The following PDE4D variants were observed in gnomAD, a reference collection of about 807,000 sequenced individuals.
PDE4D encodes the protein phosphodiesterase 4D, also known as 3',5'-cyclic-AMP phosphodiesterase 4D.
In PDE4D, 24 loss-of-function variants were observed where a neutral mutation model predicts 87.4. That is an observed-to-expected ratio of 0.27 (90% CI 0.20 to 0.39). The LOEUF (loss-of-function observed/expected upper bound fraction) is 0.39. Ranked by LOEUF, PDE4D falls within the 10% of genes least tolerant of loss-of-function variation. The pLI is 1.00. For missense variants in PDE4D, 714 were observed against 1,041.0 expected (o/e 0.69, Z 4.32); for synonymous variants, 384 against 383.2 (o/e 1.00, Z -0.02).
At chr5:60,063,544 G>C (rs983241068) in intron 2 of PDE4D, among the ~76,000 whole-genome samples, 2 of 152,076 alleles carry the variant, frequency 1.3e-5, no homozygotes, top group Non-Finnish European at 2.9e-5. Context: ...CTTGCCAAGG[G>C]AGAAATTTAG....
chr5:59,870,373 C>T (rs1365469166), intron 1 of PDE4D, among the ~76,000 whole-genome samples: 1 of 152,144 alleles, frequency 6.6e-6, no homozygotes, highest in African/African-American at 2.4e-5. Flanking sequence ...TATGTGGAAA[C>T]ATATATAAAT....
Position 58,974,774 on chromosome 5 carries a change from C to CTGAG in PDE4D, c.2316_2319dup (p.Glu774LeufsTer5). 1 of 1,613,782 alleles carries CTGAG rather than the reference C, an allele frequency of 6.2e-7. No homozygotes were observed. Among genetic ancestry groups the CTGAG allele is most frequent in the Non-Finnish European group, 8.5e-7 (1 of 1,179,708 alleles). ...TCATCAAGGGGAATTTCAGTAGACTCTGAGTCTTGAGTACAAAGAGTCTTG... is the reference window on the plus strand; with the variant it reads ...TCATCAAGGGGAATTTCAGTAGACTCTGAGTGAGTCTTGAGTACAAAGAGTCTTG... On this transcript the variant is annotated frameshift_variant, in exon 15 of 15. Transcript: ENST00000340635. LOFTEE classifies it high-confidence loss of function.
At chr5:60,019,830 G>C (rs1430236277) in intron 2 of PDE4D, among the ~76,000 whole-genome samples, 1 of 151,964 alleles carries the variant, frequency 6.6e-6, no homozygotes, top group Non-Finnish European at 1.5e-5. Flanking sequence ...TCACTGGAGT[G>C]GTATTTTTCA....
intron 1 of PDE4D, among the ~76,000 whole-genome samples, chr5:60,509,203 T>C (rs1162662244): frequency 6.6e-6 from 1 of 152,176 alleles, no homozygotes; most frequent in East Asian, 1.9e-4. Context: ...AGCACTATGC[T>C]TGGAAGCCAT....
At chr5:59,117,142 A>C (rs993758141) in intron 5 of PDE4D, among the ~76,000 whole-genome samples, 7 of 152,198 alleles carry the variant, frequency 4.6e-5, no homozygotes, top group African/African-American at 1.7e-4. Flanking sequence ...CCCAGGATAC[A>C]ATTTCTCACC....
chr5:59,873,731 C>T (rs1581529335), intron 1 of PDE4D, among the ~76,000 whole-genome samples: 1 of 152,172 alleles, frequency 6.6e-6, no homozygotes. Context: ...ATAGAATCAA[C>T]AGGCCATGGC....
At chr5:59,064,096 T>C (rs1489094700) in intron 5 of PDE4D, among the ~76,000 whole-genome samples, 3 of 151,262 alleles carry the variant, frequency 2.0e-5, no homozygotes, top group Admixed American at 1.3e-4. Context: ...TTTTCTAGTA[T>C]ACTTACCAGG....
intron 5 of PDE4D, among the ~76,000 whole-genome samples, chr5:59,066,863 C>A (rs899133623): frequency 3.9e-5 from 6 of 152,048 alleles, no homozygotes; most frequent in African/African-American, 1.2e-4. Flanking sequence ...GCCAGAGGCA[C>A]TATCTATGAC....
intron 5 of PDE4D, among the ~76,000 whole-genome samples, chr5:59,116,186 G>C (rs536796310): frequency 6.6e-6 from 1 of 152,108 alleles, no homozygotes; most frequent in African/African-American, 2.4e-5. Context: ...ACATTATAAT[G>C]TTTTTTGAGC....
intron 1 of PDE4D, among the ~76,000 whole-genome samples, chr5:59,529,562 T>A (rs765289725): frequency 1.4e-4 from 21 of 152,184 alleles, no homozygotes; most frequent in Non-Finnish European, 8.8e-5. Flanking sequence ...CACAGGGCAC[T>A]GGTGTCTTTT....
intron 1 of PDE4D, among the ~76,000 whole-genome samples, chr5:59,444,441 C>G (rs1460785444): frequency 6.6e-6 from 1 of 152,088 alleles, no homozygotes; most frequent in Non-Finnish European, 1.5e-5. Flanking sequence ...TCCTTTTGAT[C>G]CAACATTTAA....
rs748140890 is a variant in PDE4D, at chr5:58,991,876, G to C, written c.1144C>G (p.Pro382Ala). The C allele has an allele frequency of 6.4e-7, 1 of 1,567,056 alleles. No homozygotes were observed. The highest frequency in any genetic ancestry group is 8.6e-7 in the Non-Finnish European group (1 of 1,158,942). ...HSSSLTNSSI[P>A]RFGVKTEQED... ...TGTTCAGTTTTAACTCCAAACCTTG[G>C]GATACTTGAATTAGTCAGACTAGAG... Residue 382 changes from proline (P) to alanine (A), a missense_variant, in exon 8 of 15, where the codon CCA becomes GCA. Physicochemically the swap from Pro to Ala is conservative, Grantham distance 27. Transcript: ENST00000340635.
intron 1 of PDE4D, among the ~76,000 whole-genome samples, chr5:60,250,501 G>T (rs1748299899): frequency 6.6e-6 from 1 of 151,844 alleles, no homozygotes; most frequent in Non-Finnish European, 1.5e-5. Context: ...TGACATTTAG[G>T]TCAACAATGG....
At chr5:60,267,688 A>G (rs1351428803) in intron 1 of PDE4D, among the ~76,000 whole-genome samples, 2 of 152,178 alleles carry the variant, frequency 1.3e-5, no homozygotes, top group African/African-American at 4.8e-5. Flanking sequence ...CCTCTGCTCA[A>G]TTCAGGGATT....
intron 1 of PDE4D, among the ~76,000 whole-genome samples, chr5:59,791,554 A>G (rs111782936): frequency 2.9e-4 from 44 of 152,266 alleles, no homozygotes; most frequent in African/African-American, 1.1e-3. Flanking sequence ...TTATCCCTCA[A>G]ACTCCCAGAG....
intron 1 of PDE4D, among the ~76,000 whole-genome samples, chr5:59,403,767 T>C (rs1418890757): frequency 6.6e-6 from 1 of 152,108 alleles, no homozygotes; most frequent in Non-Finnish European, 1.5e-5. Context: ...CTACAATAAA[T>C]ATGGAAGTGC....
intron 5 of PDE4D, among the ~76,000 whole-genome samples, chr5:59,082,651 G>T (rs1478137172): frequency 2.0e-5 from 3 of 151,884 alleles, no homozygotes; most frequent in Non-Finnish European, 4.4e-5. Context: ...AAATATTATT[G>T]CAAAACATCA....
intron 1 of PDE4D, among the ~76,000 whole-genome samples, chr5:59,743,541 T>C (rs1254484032): frequency 6.6e-6 from 1 of 152,068 alleles, no homozygotes; most frequent in Non-Finnish European, 1.5e-5. Flanking sequence ...ACGTAAGTGT[T>C]GACAAGAATA....
chr5:59,983,083 G>C (rs1280261603), intron 3 of PDE4D, among the ~76,000 whole-genome samples: 2 of 152,092 alleles, frequency 1.3e-5, no homozygotes, highest in Middle Eastern at 3.2e-3. Context: ...GTAGGTGGGA[G>C]ACAGGACTCA....
Sources: gnomAD v4.1 joint callset for allele counts (sites outside exome capture counted in the v4.1 genomes callset) on GRCh38, gnomAD v4.1.1 for gene constraint, MANE v1.5 for transcripts, NCBI Gene and HGNC (gene_info 2026-07-23, HGNC 2026-07-21) for gene names.